FAM135B: variants seen among roughly 807,000 people sequenced by gnomAD.
The protein encoded by FAM135B is family with sequence similarity 135 member B.
Under a neutral mutation model 127.7 loss-of-function variants are expected in FAM135B, and 43 were observed. The ratio of observed to expected loss-of-function variants is 0.34; its 90% CI spans 0.26 to 0.43. FAM135B has a LOEUF of 0.43. Among genes scored for constraint, FAM135B ranks in the 20% least tolerant of loss-of-function variants. FAM135B has a pLI of 1.00. For missense variants in FAM135B, 1,558 were observed against 1,725.6 expected (o/e 0.90, Z 1.72); for synonymous variants, 670 against 665.1 (o/e 1.01, Z -0.11).
At chr8:138,277,240 T>A (rs1823896572) in intron 3 of FAM135B, among the ~76,000 whole-genome samples, 1 of 152,134 alleles carries the variant, frequency 6.6e-6, no homozygotes. Flanking sequence ...CTTATTCAGC[T>A]CCTCTCTCTG....
At chr8:138,196,618 G>C (rs1486707024) in intron 8 of FAM135B, among the ~76,000 whole-genome samples, 1 of 152,214 alleles carries the variant, frequency 6.6e-6, no homozygotes, top group Non-Finnish European at 1.5e-5. Context: ...AGTTATCTCA[G>C]CAGTTGAGGT....
At chr8:138,472,965 C>T (rs1421987926) in intron 1 of FAM135B, among the ~76,000 whole-genome samples, 5 of 152,146 alleles carry the variant, frequency 3.3e-5, no homozygotes, top group Admixed American at 6.5e-5. Context: ...AAGTCCTGCA[C>T]ATCCATGATA....
chr8:138,252,443 C>A (rs970241489), intron 5 of FAM135B, among the ~76,000 whole-genome samples: 1 of 152,132 alleles, frequency 6.6e-6, no homozygotes, highest in Admixed American at 6.5e-5. Context: ...ACAGATATAA[C>A]CCTAGGGCTT....
chr8:138,315,968 A>G (rs1827056615), intron 2 of FAM135B, among the ~76,000 whole-genome samples: 1 of 152,162 alleles, frequency 6.6e-6, no homozygotes. Flanking sequence ...ATTATAGTTA[A>G]TAATATTGTA....
At chr8:138,478,702 T>G (rs1353862321) in intron 1 of FAM135B, among the ~76,000 whole-genome samples, 2 of 152,184 alleles carry the variant, frequency 1.3e-5, no homozygotes, top group African/African-American at 4.8e-5. Flanking sequence ...AAGACAACCC[T>G]AGGGATATAA....
At chr8:138,168,105 G>A (rs1410174617) in intron 11 of FAM135B, 56 bp from the exon 12 acceptor site, 13 of 1,530,064 alleles carry the variant, frequency 8.5e-6, no homozygotes, top group East Asian at 7.2e-5. Flanking sequence ...TTTCCAAACC[G>A]TTGCCCCCTC....
intron 1 of FAM135B, among the ~76,000 whole-genome samples, chr8:138,389,473 G>A (rs1013128993): frequency 2.6e-5 from 4 of 152,164 alleles, no homozygotes; most frequent in African/African-American, 9.7e-5. Context: ...CGTGCAGTAG[G>A]ATATTATTCA....
At chr8:138,319,536 T>C (rs1238919737) in intron 2 of FAM135B, among the ~76,000 whole-genome samples, 1 of 152,168 alleles carries the variant, frequency 6.6e-6, no homozygotes, top group Non-Finnish European at 1.5e-5. Context: ...GGGCCATTGG[T>C]TTCATCAGAA....
chr8:138,149,039 T>C (rs1480897369), intron 13 of FAM135B, among the ~76,000 whole-genome samples: 1 of 150,078 alleles, frequency 6.7e-6, no homozygotes, highest in Non-Finnish European at 1.5e-5. Flanking sequence ...AAATGACGAG[T>C]TAATGGGTGC....
intron 15 of FAM135B, among the ~76,000 whole-genome samples, chr8:138,144,064 C>T (rs1452692501): frequency 6.6e-6 from 1 of 152,228 alleles, no homozygotes; most frequent in Non-Finnish European, 1.5e-5. Flanking sequence ...CCCATCTAAA[C>T]CTCAGTCTCC....
At chr8:138,294,341 A>G (rs1187960762) in intron 3 of FAM135B, among the ~76,000 whole-genome samples, 2 of 152,176 alleles carry the variant, frequency 1.3e-5, no homozygotes, top group African/African-American at 4.8e-5. Flanking sequence ...CTTCACCACT[A>G]TATAATTCAT....
At chr8:138,382,629 C>A (rs1831929889) in intron 1 of FAM135B, among the ~76,000 whole-genome samples, 1 of 152,110 alleles carries the variant, frequency 6.6e-6, no homozygotes, top group Non-Finnish European at 1.5e-5. Flanking sequence ...GGACTCTGCA[C>A]AGGATAACTG....
chr8:138,358,468 A>G (rs186730986), intron 2 of FAM135B: 1 of 152,288 alleles, frequency 6.6e-6, no homozygotes, highest in African/African-American at 2.4e-5. Flanking sequence ...TAGTCCATAG[A>G]GGGCTTGGGT....
At chr8:138,342,460 G>A (rs925514196) in intron 2 of FAM135B, among the ~76,000 whole-genome samples, 1 of 152,212 alleles carries the variant, frequency 6.6e-6, no homozygotes, top group Admixed American at 6.5e-5. Flanking sequence ...CAGAGAAAAG[G>A]GAAGGTGCTT....
intron 7 of FAM135B, among the ~76,000 whole-genome samples, chr8:138,205,909 T>C (rs2129699894): frequency 6.6e-6 from 1 of 151,968 alleles, no homozygotes; most frequent in Admixed American, 6.5e-5. Flanking sequence ...CTGACCCAGG[T>C]ATCTGTTCCA....
chr8:138,246,683 C>A (rs1295499958), intron 6 of FAM135B, among the ~76,000 whole-genome samples: 2 of 152,206 alleles, frequency 1.3e-5, no homozygotes, highest in Non-Finnish European at 2.9e-5. Context: ...AGAACCCCCA[C>A]ACAGAGTCCC....
At chr8:138,445,399 C>A (rs1836074725) in intron 1 of FAM135B, among the ~76,000 whole-genome samples, 2 of 152,142 alleles carry the variant, frequency 1.3e-5, no homozygotes, top group South Asian at 4.1e-4. Flanking sequence ...ATGCAAAAAT[C>A]CTCAATAAAA....
At chr8:138,327,470 T>C (rs941175959) in intron 2 of FAM135B, among the ~76,000 whole-genome samples, 1 of 152,204 alleles carries the variant, frequency 6.6e-6, no homozygotes, top group African/African-American at 2.4e-5. Context: ...TCATACATAA[T>C]GGCTACCCAC....
intron 7 of FAM135B, among the ~76,000 whole-genome samples, chr8:138,226,718 T>C (rs773107623): frequency 6.6e-6 from 1 of 152,142 alleles, no homozygotes; most frequent in Non-Finnish European, 1.5e-5. Flanking sequence ...TGCACCACCA[T>C]GCCCAGCTAA....
Sources: gnomAD v4.1 joint callset for allele counts (sites outside exome capture counted in the v4.1 genomes callset) on GRCh38, gnomAD v4.1.1 for gene constraint, MANE v1.5 for transcripts, NCBI Gene and HGNC (gene_info 2026-07-23, HGNC 2026-07-21) for gene names.